KCNN3: variants seen among roughly 807,000 people sequenced by gnomAD.
KCNN3 encodes the protein potassium calcium-activated channel subfamily N member 3.
KCNN3 carries 16 observed loss-of-function variants against 62.9 expected under a neutral mutation model. That is an observed-to-expected ratio of 0.25 (90% CI 0.17 to 0.39). The LOEUF (loss-of-function observed/expected upper bound fraction) is 0.39, where lower values mean the gene tolerates loss of function less well. Ranked by LOEUF, KCNN3 falls within the 10% of genes least tolerant of loss-of-function variation. The pLI, the probability that KCNN3 is intolerant of heterozygous loss-of-function variation, is 1.00. For missense variants in KCNN3, 599 were observed against 949.4 expected (o/e 0.63, Z 4.85); for synonymous variants, 370 against 389.2 (o/e 0.95, Z 0.58).
intron 1 of KCNN3, among the ~76,000 whole-genome samples, chr1:154,831,250 A>T (rs996228742): frequency 6.6e-6 from 1 of 152,230 alleles, no homozygotes; most frequent in African/African-American, 2.4e-5. Flanking sequence ...GTAAATGAAT[A>T]TGGAACGGTA....
rs186215370 is a variant in KCNN3, at chr1:154,725,825, G to C, written c.1701+91C>G. The C allele has an allele frequency of 7.7e-3, 7,033 of 919,064 alleles. 61 individuals are homozygous for C. The highest frequency in any genetic ancestry group is 7.3e-3 in the Non-Finnish European group (4,110 of 566,640). The allele number at this position is 919,064 out of a possible 1,614,324, so 56.9% of individuals were successfully genotyped here. ...CCTAAAGTGTTGGGATTACAGGCGTGAGCCACTGCACCCGTTGGACCATTT... is the reference window on the plus strand; with the variant it reads ...CCTAAAGTGTTGGGATTACAGGCGTCAGCCACTGCACCCGTTGGACCATTT... On this transcript the variant is annotated intron_variant, in intron 5 of 7. Coordinates refer to ENST00000271915, the MANE Select transcript of KCNN3 (RefSeq NM_002249.6).
chr1:154,780,443 T>C (rs1648987740), intron 2 of KCNN3, among the ~76,000 whole-genome samples: 1 of 150,692 alleles, frequency 6.6e-6, no homozygotes, highest in South Asian at 2.1e-4. Flanking sequence ...GGAGAGAAAA[T>C]GGAAAAAGCC....
intron 2 of KCNN3, among the ~76,000 whole-genome samples, chr1:154,784,474 G>A (rs1246832512): frequency 4.6e-5 from 7 of 152,192 alleles, no homozygotes; most frequent in African/African-American, 1.7e-4. Flanking sequence ...CCTCTTCTCA[G>A]CTTCTTCACC....
At chr1:154,714,261 G>A (rs1700159824) in intron 6 of KCNN3, among the ~76,000 whole-genome samples, 3 of 136,906 alleles carry the variant, frequency 2.2e-5, no homozygotes, top group South Asian at 2.5e-4. Context: ...TGTGTGTGAT[G>A]TGTGGTATGT....
chr1:154,859,885 T>C (rs551628164), intron 1 of KCNN3: 2 of 1,494,778 alleles, frequency 1.3e-6, no homozygotes, highest in African/African-American at 1.4e-5. Flanking sequence ...TTAAGAAAAA[T>C]GCCCAACAAG....
intron 3 of KCNN3, among the ~76,000 whole-genome samples, chr1:154,753,801 G>A (rs1347007495): frequency 6.6e-6 from 1 of 152,230 alleles, no homozygotes; most frequent in Non-Finnish European, 1.5e-5. Flanking sequence ...CCCCTGGGAA[G>A]CAGGTAGACC....
At chr1:154,775,903 C>T (rs1049811629) in intron 2 of KCNN3, among the ~76,000 whole-genome samples, 23 of 152,202 alleles carry the variant, frequency 1.5e-4, no homozygotes, top group African/African-American at 5.1e-4. Flanking sequence ...CCATCTACTC[C>T]GTAATAAAGA....
chr1:154,761,696 T>C (rs1648021574), intron 3 of KCNN3, among the ~76,000 whole-genome samples: 1 of 152,172 alleles, frequency 6.6e-6, no homozygotes, highest in Non-Finnish European at 1.5e-5. Context: ...CCCAGCACTT[T>C]GAGAGGCCGA....
chr1:154,750,111 C>T (rs1433670221), intron 3 of KCNN3, among the ~76,000 whole-genome samples: 5 of 152,220 alleles, frequency 3.3e-5, no homozygotes, highest in Non-Finnish European at 5.9e-5. Context: ...TTCTGGTACA[C>T]GTCAGGAATA....
At chr1:154,861,478 G>A (rs1307294456) in intron 1 of KCNN3, among the ~76,000 whole-genome samples, 4 of 152,184 alleles carry the variant, frequency 2.6e-5, no homozygotes, top group South Asian at 2.1e-4. Flanking sequence ...TGCACCACAC[G>A]GCAGCAACCT....
At chr1:154,831,691 T>G (rs1003083071) in intron 1 of KCNN3, among the ~76,000 whole-genome samples, 1 of 152,104 alleles carries the variant, frequency 6.6e-6, no homozygotes, top group Non-Finnish European at 1.5e-5. Flanking sequence ...TGCTTGATTT[T>G]CTCCAGGGGT....
At chr1:154,733,720 T>C (rs959813955) in intron 3 of KCNN3, among the ~76,000 whole-genome samples, 1 of 151,958 alleles carries the variant, frequency 6.6e-6, no homozygotes, top group Non-Finnish European at 1.5e-5. Context: ...CCTTTCTGAG[T>C]CAGACAGGGG....
chr1:154,857,271 G>A (rs1652575062), intron 1 of KCNN3, among the ~76,000 whole-genome samples: 1 of 152,246 alleles, frequency 6.6e-6, no homozygotes, highest in Non-Finnish European at 1.5e-5. Context: ...CAGCCGAGAA[G>A]CCACAGAGCT....
intron 3 of KCNN3, among the ~76,000 whole-genome samples, chr1:154,746,100 T>C (rs369748044): frequency 2.6e-5 from 4 of 152,188 alleles, no homozygotes; most frequent in African/African-American, 7.2e-5. Flanking sequence ...CTGACACAAA[T>C]TTTGGAACTT....
chr1:154,827,839 A>C (rs1651201709), intron 1 of KCNN3, among the ~76,000 whole-genome samples: 1 of 152,018 alleles, frequency 6.6e-6, no homozygotes, highest in African/African-American at 2.4e-5. Context: ...AATAATAATA[A>C]TTGCAGCTGT....
rs184933241 is a variant in KCNN3, at chr1:154,716,394, T to C, written c.1702-1391A>G. 5.2e-3 allele frequency among the ~76,000 whole-genome samples: 797 copies of C among 152,392 alleles called. 12 individuals carry two copies. The highest frequency in any genetic ancestry group is 0.018 in the African/African-American group (759 of 41,594). The stretch of plus-strand genomic sequence containing the variant: ...GCCAGCCTAATAGAAATCAGGTTAC[T>C]AGCCAGAAAGGATTTTAATAAAATT... On this transcript the variant is annotated intron_variant, in intron 5 of 7. Coordinates refer to ENST00000271915, the MANE Select transcript of KCNN3 (RefSeq NM_002249.6).
intron 3 of KCNN3, among the ~76,000 whole-genome samples, chr1:154,749,689 T>G (rs1553230457): frequency 6.6e-6 from 1 of 151,298 alleles, no homozygotes; most frequent in African/African-American, 2.4e-5. Context: ...GAGAGGAAGA[T>G]AGAGAAAGAG....
At chr1:154,841,370 G>C (rs1039617725) in intron 1 of KCNN3, among the ~76,000 whole-genome samples, 3 of 152,170 alleles carry the variant, frequency 2.0e-5, no homozygotes, top group African/African-American at 7.2e-5. Context: ...GTATCACCCA[G>C]GGAGCTTTTT....
intron 1 of KCNN3, among the ~76,000 whole-genome samples, chr1:154,851,866 A>G (rs1652311767): frequency 6.6e-6 from 1 of 152,092 alleles, no homozygotes; most frequent in African/African-American, 2.4e-5. Flanking sequence ...TCTCTACTCC[A>G]AGCCCTCCTC....
Sources: allele counts gnomAD v4.1 joint callset (sites outside exome capture counted in the v4.1 genomes callset), GRCh38; gene constraint gnomAD v4.1.1; transcripts MANE v1.5; gene names NCBI Gene and HGNC (gene_info 2026-07-23, HGNC 2026-07-21).